Variants in CNTN4 observed in about 807,000 individuals in gnomAD.
CNTN4 encodes contactin 4.
In CNTN4, 77 loss-of-function variants were observed where a neutral mutation model predicts 122.5. The observed-to-expected ratio is 0.63, with a 90% CI of 0.52 to 0.76. The LOEUF (loss-of-function observed/expected upper bound fraction) is 0.76, where lower values mean the gene tolerates loss of function less well. Ranked by LOEUF, CNTN4 falls within the 30% of genes least tolerant of loss-of-function variation. CNTN4 has a pLI of 0.00. For missense variants in CNTN4, 1,256 were observed against 1,259.1 expected (o/e 1.00, Z 0.04); for synonymous variants, 512 against 447.0 (o/e 1.15, Z -1.83).
chr3:2,202,546 A>G (rs1392732318), intron 2 of CNTN4, among the ~76,000 whole-genome samples: 7 of 152,162 alleles, frequency 4.6e-5, no homozygotes, highest in Admixed American at 3.3e-4. Flanking sequence ...GGTGTTTCCA[A>G]AGTCTCAAGG....
intron 4 of CNTN4, among the ~76,000 whole-genome samples, chr3:2,604,786 A>G (rs1179145737): frequency 6.6e-6 from 1 of 152,204 alleles, no homozygotes; most frequent in Non-Finnish European, 1.5e-5. Flanking sequence ...AATCAATGCC[A>G]TAAACTTATT....
intron 14 of CNTN4, among the ~76,000 whole-genome samples, chr3:2,999,694 T>C (rs1485436278): frequency 1.3e-5 from 2 of 152,124 alleles, no homozygotes; most frequent in African/African-American, 4.8e-5. Flanking sequence ...CACACGAAGG[T>C]CTTTTATAAT....
chr3:2,362,160 G>A (rs568358213), intron 3 of CNTN4: 47 of 158,798 alleles, frequency 3.0e-4, no homozygotes, highest in Non-Finnish European at 4.4e-4. Flanking sequence ...TGAGCATGAG[G>A]CAGGGCCCAG....
chr3:2,771,292 T>C (rs1302655822), intron 6 of CNTN4, among the ~76,000 whole-genome samples: 2 of 152,264 alleles, frequency 1.3e-5, no homozygotes, highest in East Asian at 1.9e-4. Context: ...TATCTTTAAA[T>C]ACTCTACAAC....
Position 2,592,065 on chromosome 3 carries a change from C to T in CNTN4, c.55+20507C>T, listed in dbSNP as rs1355916951. On this transcript the variant is annotated intron_variant, in intron 4 of 24. Coordinates refer to ENST00000418658, the MANE Select transcript of CNTN4 (RefSeq NM_175607.3). ...GGCTAGTTTTTTAAAATTTTTTGTA[C>T]AGATGAGGTTTCACTTTGTTTCCCA... 2.6e-5 allele frequency among the ~76,000 whole-genome samples: 4 copies of T among 151,840 alleles called. No individual in the cohort carries two copies. The South Asian group carries it at 8.3e-4, about 32-fold the overall frequency.
At chr3:2,562,899 T>A (rs1335959385) in intron 3 of CNTN4, among the ~76,000 whole-genome samples, 1 of 146,152 alleles carries the variant, frequency 6.8e-6, no homozygotes, top group Non-Finnish European at 1.5e-5. Context: ...AACTTTTAAA[T>A]TTTTTTTTTG....
chr3:2,554,767 G>T (rs1187128634), intron 3 of CNTN4, among the ~76,000 whole-genome samples: 4 of 152,154 alleles, frequency 2.6e-5, no homozygotes, highest in African/African-American at 4.8e-5. Context: ...TTGGGTCTGG[G>T]ATTTGGCATT....
At chr3:2,987,968 A>G (rs1694730839) in intron 13 of CNTN4, among the ~76,000 whole-genome samples, 1 of 152,226 alleles carries the variant, frequency 6.6e-6, no homozygotes, top group Non-Finnish European at 1.5e-5. Context: ...TTGATTAATC[A>G]AGGGATTTTT....
intron 2 of CNTN4, among the ~76,000 whole-genome samples, chr3:2,236,008 C>T (rs1001756268): frequency 6.6e-6 from 1 of 152,046 alleles, no homozygotes; most frequent in Non-Finnish European, 1.5e-5. Flanking sequence ...CATCTTAATT[C>T]AATGGAGAAG....
chr3:2,640,229 T>C (rs1209169277), intron 4 of CNTN4, among the ~76,000 whole-genome samples: 1 of 152,192 alleles, frequency 6.6e-6, no homozygotes, highest in Non-Finnish European at 1.5e-5. Flanking sequence ...AGAGTCTAAA[T>C]TGAGTAACAA....
rs964363014 is a variant in CNTN4, at chr3:2,525,517, G to A, written c.-88-45899G>A. ...ATGTGCTCCAAAATCAAACAAGCAA[G>A]TATTTTACTTAAAATGTAGGTTATT... On this transcript the variant is annotated intron_variant, in intron 3 of 24. Coordinates refer to ENST00000418658, the MANE Select transcript of CNTN4 (RefSeq NM_175607.3). Among the ~76,000 whole-genome samples, 11 of 152,224 alleles carry A rather than the reference G, an allele frequency of 7.2e-5. 1 individual carries two copies. The highest frequency in any genetic ancestry group is 2.6e-4 in the African/African-American group (11 of 41,548).
intron 4 of CNTN4, among the ~76,000 whole-genome samples, chr3:2,574,865 C>G (rs1436505782): frequency 1.3e-5 from 2 of 151,914 alleles, no homozygotes; most frequent in Non-Finnish European, 2.9e-5. Flanking sequence ...CTACAAACTC[C>G]TAATTCTCTA....
chr3:2,162,883 G>A (rs1033775033), intron 2 of CNTN4, among the ~76,000 whole-genome samples: 3 of 152,090 alleles, frequency 2.0e-5, no homozygotes, highest in Non-Finnish European at 4.4e-5. Flanking sequence ...GGTGGCTTGA[G>A]TCCAGGAGTT....
At chr3:2,835,065 C>T (rs1395180428) in intron 7 of CNTN4, among the ~76,000 whole-genome samples, 4 of 151,702 alleles carry the variant, frequency 2.6e-5, no homozygotes, top group South Asian at 2.1e-4. Context: ...CCACCACGCC[C>T]GGCTCATTTT....
At chr3:2,600,983 G>T (rs907878293) in intron 4 of CNTN4, among the ~76,000 whole-genome samples, 9 of 152,152 alleles carry the variant, frequency 5.9e-5, no homozygotes, top group Non-Finnish European at 1.2e-4. Context: ...GTGTCTGTTG[G>T]CTGCATAAAT....
At chr3:2,314,551 G>A (rs535862859) in intron 2 of CNTN4, among the ~76,000 whole-genome samples, 2 of 151,634 alleles carry the variant, frequency 1.3e-5, no homozygotes. Context: ...CTGTATATCA[G>A]ATGAAACTCA....
In CNTN4 at chr3:3,037,244, T is replaced by C; in HGVS notation, c.2008T>C (p.Tyr670His). Residue 670 changes from tyrosine to histidine, a missense_variant, in exon 18 of 25, where the codon TAT becomes CAT. Physicochemically the swap from Tyr to His is moderately conservative, Grantham distance 83. Coordinates refer to ENST00000418658, the MANE Select transcript of CNTN4 (RefSeq NM_175607.3). The stretch of plus-strand genomic sequence containing the variant: ...GGTGGGTTTGAACCCTTGGGTTGAA[T>C]ATGAATTCCGCACAGTTGCAGCCAA... ...TVVGLNPWVE[Y>H]EFRTVAANVI... The C allele has an allele frequency of 6.2e-7, 1 of 1,614,196 alleles. No individual in the cohort carries two copies. Among genetic ancestry groups the C allele is most frequent in the Non-Finnish European group, 8.5e-7 (1 of 1,180,024 alleles).
At chr3:2,932,989 AT>A (rs1190059653) in intron 13 of CNTN4, among the ~76,000 whole-genome samples, 1 of 151,750 alleles carries the variant, frequency 6.6e-6, no homozygotes, top group Non-Finnish European at 1.5e-5. Flanking sequence ...TGCCCGGCTA[AT>A]TTTTTGTATT....
chr3:2,188,093 T>C (rs191984442), intron 2 of CNTN4, among the ~76,000 whole-genome samples: 6 of 152,026 alleles, frequency 3.9e-5, no homozygotes, highest in South Asian at 2.1e-4. Flanking sequence ...AGCCCCTTGA[T>C]TGGTTACCTT....
Sources: gnomAD v4.1 joint callset for allele counts (sites outside exome capture counted in the v4.1 genomes callset) on GRCh38, gnomAD v4.1.1 for gene constraint, MANE v1.5 for transcripts, NCBI Gene and HGNC (gene_info 2026-07-23, HGNC 2026-07-21) for gene names.